SLC9C2: variants seen among roughly 807,000 people sequenced by gnomAD.
The protein encoded by SLC9C2 is solute carrier family 9 member C2 (putative).
SLC9C2 carries 75 observed loss-of-function variants against 140.2 expected under a neutral mutation model. The observed-to-expected ratio is 0.53, with a 90% confidence interval of 0.44 to 0.65. SLC9C2 has a LOEUF of 0.65. Ranked by LOEUF, SLC9C2 falls within the 30% of genes least tolerant of loss-of-function variation. The probability of loss-of-function intolerance (pLI) is 0.00; values close to 1 mark genes in which losing one functional copy is unlikely to be tolerated. For synonymous variants in SLC9C2, 375 were observed against 420.9 expected (o/e 0.89, Z 1.34); for missense variants, 1,074 against 1,331.8 (o/e 0.81, Z 3.01).
intron 23 of SLC9C2, among the ~76,000 whole-genome samples, chr1:173,510,469 T>C (rs191488454): frequency 6.6e-6 from 1 of 152,308 alleles, no homozygotes; most frequent in African/African-American, 2.4e-5. Flanking sequence ...TTTATTCTAA[T>C]GCTCTCATTC....
Position 173,521,306 on chromosome 1 carries a change from C to T in SLC9C2, c.2734G>A (p.Ala912Thr). Residue 912 changes from alanine (A) to threonine (T), a missense_variant, in exon 22 of 28, where the codon GCA becomes ACA. Physicochemically the swap from Ala to Thr is moderately conservative, Grantham distance 58. Coordinates refer to ENST00000367714, the MANE Select transcript of SLC9C2 (RefSeq NM_178527.4). Reference sequence around the variant, plus strand: ...AAAAATCAATAGTCCCTTACAATTGCCATTCCTGAAATAATTAAGTAGATT... The same window carrying T: ...AAAAATCAATAGTCCCTTACAATTGTCATTCCTGAAATAATTAAGTAGATT... The part of the protein sequence containing the change: ...QGIYLIISGM[A>T]ILHSLSPTFG... The T allele has an allele frequency of 2.6e-6, 4 of 1,511,238 alleles. No individual in the cohort carries two copies. Among genetic ancestry groups the T allele is most frequent in the East Asian group, 2.5e-5 (1 of 39,862 alleles). The allele number at this position is 1,511,238 out of a possible 1,614,324, so 93.6% of individuals were successfully genotyped here. A position where few individuals can be genotyped will look rare whatever the true frequency, so the allele number is the denominator to read the frequency against.
At chr1:173,575,730 C>T (rs1441695986) in intron 8 of SLC9C2, among the ~76,000 whole-genome samples, 1 of 152,064 alleles carries the variant, frequency 6.6e-6, no homozygotes, top group East Asian at 1.9e-4. Context: ...GAGCCTGCCA[C>T]CACGCCCGGC....
Position 173,501,104 on chromosome 1 carries a change from AAG to A in SLC9C2, c.3372-9_3372-8del. The A allele has an allele frequency of 6.5e-7, 1 of 1,535,018 alleles. No individual in the cohort carries two copies. Among genetic ancestry groups the A allele is most frequent in the Non-Finnish European group, 8.8e-7 (1 of 1,139,552 alleles). ...AATGGTATCCAGTTTTCAACTATAA[AAG>A]AAAGTCAAAAGTTAAATATTAGCCT... On this transcript the variant is annotated splice_polypyrimidine_tract_variant and splice_region_variant and intron_variant, in intron 27 of 27. Coordinates refer to ENST00000367714, the MANE Select transcript of SLC9C2 (RefSeq NM_178527.4).
intron 11 of SLC9C2, among the ~76,000 whole-genome samples, chr1:173,553,944 C>T (rs1428019020): frequency 2.6e-5 from 4 of 152,168 alleles, no homozygotes; most frequent in African/African-American, 4.8e-5. Flanking sequence ...AAGACTTTGC[C>T]TAATCTCACC....
At chr1:173,532,506 G>A (rs781659403) in intron 17 of SLC9C2, among the ~76,000 whole-genome samples, 1 of 152,192 alleles carries the variant, frequency 6.6e-6, no homozygotes, top group Non-Finnish European at 1.5e-5. Context: ...AATTGTTAAG[G>A]AAATTGAAGG....
At chr1:173,601,502 T>C (rs1666781588) in intron 2 of SLC9C2, 148 bp downstream of exon 2, 2 of 847,848 alleles carry the variant, frequency 2.4e-6, no homozygotes, top group African/African-American at 3.5e-5. Context: ...CTACTTATAA[T>C]TAAATGAAGC....
chr1:173,566,168 T>C (rs1288928795), intron 9 of SLC9C2, among the ~76,000 whole-genome samples: 2 of 152,288 alleles, frequency 1.3e-5, no homozygotes, highest in Admixed American at 6.5e-5. Flanking sequence ...TGTCTGGTGT[T>C]GGTATCAGGG....
chr1:173,590,501 T>A (rs1249588591), intron 4 of SLC9C2, among the ~76,000 whole-genome samples: 2 of 152,162 alleles, frequency 1.3e-5, no homozygotes, highest in Non-Finnish European at 2.9e-5. Flanking sequence ...CTATATATAC[T>A]ATGGTTTTTT....
rs757871765 is a variant in SLC9C2, at chr1:173,554,743, G to C, written c.1287C>G (p.Ala429=). ...GINSYVMTQS[A]RKLDLCVLSL... is the part of the protein sequence containing the mutation. ...AGACACATACTTTACCTAACTTCCT[G>C]GCTGACTGAGTCATCACGTATGAAT... is the stretch of plus-strand genomic sequence containing the variant. Residue 429 remains alanine (A), a synonymous_variant, in exon 11 of 28, where the codon GCC becomes GCG. Transcript: ENST00000367714. 6.2e-7 allele frequency: 1 copy of C among 1,602,716 alleles called. No individual in the cohort carries two copies. Among genetic ancestry groups the C allele is most frequent in the South Asian group, 1.1e-5 (1 of 90,726 alleles).
intron 9 of SLC9C2, among the ~76,000 whole-genome samples, chr1:173,562,388 G>A (rs1055458310): frequency 1.3e-5 from 2 of 152,086 alleles, no homozygotes; most frequent in African/African-American, 4.8e-5. Flanking sequence ...GTAGCTTTCA[G>A]TCTACCTTAA....
At chr1:173,558,397 G>T (rs1307002775) in intron 9 of SLC9C2, among the ~76,000 whole-genome samples, 1 of 152,106 alleles carries the variant, frequency 6.6e-6, no homozygotes, top group African/African-American at 2.4e-5. Context: ...AACCAAAATA[G>T]AAACAACTTA....
chr1:173,576,961 G>C (rs1665219513), intron 7 of SLC9C2, among the ~76,000 whole-genome samples: 1 of 152,218 alleles, frequency 6.6e-6, no homozygotes, highest in Admixed American at 6.5e-5. Flanking sequence ...TAAATATTTA[G>C]TGTTTGTGAT....
At position 173,566,651 on chromosome 1, in the gene SLC9C2, T is replaced by C. The variant is rs180896243; in HGVS notation, c.1046+6531A>G. On this transcript the variant is annotated intron_variant, in intron 9 of 27. Coordinates refer to ENST00000367714, the MANE Select transcript of SLC9C2 (RefSeq NM_178527.4). ...AACTTTTTGTTTCATTTATATTTCCTATTTTTTTCATTTCAATTTCATTTA... is the reference window on the plus strand; with the variant it reads ...AACTTTTTGTTTCATTTATATTTCCCATTTTTTTCATTTCAATTTCATTTA... 1.4e-4 allele frequency among the ~76,000 whole-genome samples: 21 copies of C among 152,134 alleles called. No individual in the cohort carries two copies. In the East Asian group the frequency reaches 3.9e-3, roughly 28 times the overall value.
intron 13 of SLC9C2, among the ~76,000 whole-genome samples, chr1:173,543,433 G>A (rs1023648493): frequency 1.3e-5 from 2 of 152,212 alleles, no homozygotes; most frequent in East Asian, 3.9e-4. Flanking sequence ...TACTGCCCAA[G>A]GCAATTTATA....
In SLC9C2 at chr1:173,548,320, T is replaced by C. The variant is rs888779932; in HGVS notation, c.1461+69A>G. The C allele has an allele frequency of 1.7e-5, 24 of 1,440,662 alleles. No homozygotes were observed. In the Admixed American group the frequency reaches 3.1e-4, roughly 18 times the overall value. 89.2% of individuals were successfully genotyped at this position (1,440,662 alleles called of 1,614,324 possible). On this transcript the variant is annotated intron_variant, in intron 12 of 27. Coordinates refer to ENST00000367714, the MANE Select transcript of SLC9C2 (RefSeq NM_178527.4). The stretch of plus-strand genomic sequence containing the variant: ...ATTAGCAGAATCAGGTCTTTAACAA[T>C]AGGCTAAAGCAAGTGAGGCAGACCA...
chr1:173,555,985 G>T (rs1455618442), intron 10 of SLC9C2, among the ~76,000 whole-genome samples: 3 of 152,160 alleles, frequency 2.0e-5, no homozygotes, highest in African/African-American at 7.2e-5. Context: ...TGTACTCCTT[G>T]GGACTTCGGG....
intron 24 of SLC9C2, among the ~76,000 whole-genome samples, chr1:173,507,510 A>G (rs12723098): frequency 1.1e-4 from 15 of 133,746 alleles, no homozygotes; most frequent in East Asian, 5.1e-4. Flanking sequence ...TGAATTGTGC[A>G]CACACACACA....
intron 15 of SLC9C2, among the ~76,000 whole-genome samples, chr1:173,535,024 G>GA (rs1661840152): frequency 6.6e-6 from 1 of 151,840 alleles, no homozygotes; most frequent in African/African-American, 2.4e-5. Context: ...TCAAGAATGG[G>GA]AAAAATATGA....
intron 9 of SLC9C2, among the ~76,000 whole-genome samples, chr1:173,567,539 A>C (rs1664553230): frequency 6.6e-6 from 1 of 151,924 alleles, no homozygotes; most frequent in Non-Finnish European, 1.5e-5. Context: ...TTGTCAGTCT[A>C]TATGTATCTT....
Sources: gnomAD v4.1 joint callset for allele counts (sites outside exome capture counted in the v4.1 genomes callset) on GRCh38, gnomAD v4.1.1 for gene constraint, MANE v1.5 for transcripts, NCBI Gene and HGNC (gene_info 2026-07-23, HGNC 2026-07-21) for gene names.